CDHR2: variants seen among roughly 807,000 people sequenced by gnomAD.
CDHR2 encodes the protein cadherin-related family member 2.
Under a neutral mutation model 138.6 loss-of-function variants are expected in CDHR2, and 104 were observed. The ratio of observed to expected loss-of-function variants is 0.75; its 90% CI spans 0.64 to 0.88. The LOEUF is 0.88. CDHR2 is among the 40% of genes least tolerant of loss of function. The probability of loss-of-function intolerance (pLI) is 0.00; values close to 1 mark genes in which losing one functional copy is unlikely to be tolerated. For synonymous variants in CDHR2, 755 were observed against 742.8 expected, an observed-to-expected ratio of 1.02 and a Z score of -0.27; for missense variants, 1,624 against 1,727.6, an observed-to-expected ratio of 0.94 and a Z score of 1.06.
At chr5:176,545,486 G>C (rs143351445), upstream of CDHR2, among the ~76,000 whole-genome samples, 6 of 152,336 alleles carry the variant, frequency 3.9e-5, no homozygotes, top group East Asian at 1.2e-3. Flanking sequence ...ACACACTTCA[G>C]ACAGTGGCTG....
chr5:176,573,011 G>A (rs1464371238), intron 6 of CDHR2, among the ~76,000 whole-genome samples: 1 of 152,224 alleles, frequency 6.6e-6, no homozygotes, highest in African/African-American at 2.4e-5. Context: ...CACTGCTTTA[G>A]GTTGAAGGGT....
At chr5:176,555,833 A>C (rs1010234203) in intron 1 of CDHR2, among the ~76,000 whole-genome samples, 5 of 152,066 alleles carry the variant, frequency 3.3e-5, no homozygotes, top group African/African-American at 1.2e-4. Context: ...CCCGGGAGGC[A>C]GAGGTTGCAG....
chr5:176,593,899 G>T (rs1758949597), intron 31 of CDHR2, among the ~76,000 whole-genome samples: 1 of 152,204 alleles, frequency 6.6e-6, no homozygotes. Flanking sequence ...TGTGTGGGTG[G>T]TAATGCAGGC....
rs1758300488 is a variant in CDHR2, at chr5:176,574,142, T to A, written c.465T>A (p.Ser155=). The A allele has an allele frequency of 6.2e-7, 1 of 1,614,004 alleles. No homozygotes were observed. The highest frequency in any genetic ancestry group is 8.5e-7 in the Non-Finnish European group (1 of 1,179,914). ...TGGCCGTGGATAAAGACATGGGGTC[T>A]GCAGGCATGGTCGTGTACTCCATAG... ...SVLAVDKDMG[S]AGMVVYSIEK... The change falls in exon 7 of 32, where the codon TCT becomes TCA. Residue 155 remains serine, a synonymous_variant. Coordinates refer to ENST00000261944, the MANE Select transcript of CDHR2 (RefSeq NM_017675.6).
intron 2 of CDHR2, 58 bp from the exon 3 acceptor site, chr5:176,565,614 G>A (rs1291344391): frequency 4.0e-6 from 6 of 1,491,286 alleles, no homozygotes; most frequent in Non-Finnish European, 5.6e-6. Flanking sequence ...CAGGGGAGCA[G>A]GTAGGGATCG....
intron 1 of CDHR2, among the ~76,000 whole-genome samples, chr5:176,557,712 T>TCCTTCCTTCC (rs1561866775): frequency 1.2e-4 from 17 of 146,210 alleles, no homozygotes; most frequent in African/African-American, 3.9e-4. Flanking sequence ...CTTTCTTTCT[T>TCCTTCCTTCC]TTTTTTTTAT....
intron 31 of CDHR2, 104 bp downstream of exon 31, chr5:176,592,884 G>A (rs1433493839): frequency 1.0e-6 from 1 of 999,366 alleles, no homozygotes; most frequent in African/African-American, 1.6e-5. Flanking sequence ...GGGCAGTTCT[G>A]CTTCTCTGCA....
At chr5:176,586,397 T>TAGACCA in intron 20 of CDHR2, among the ~76,000 whole-genome samples, 1 of 152,214 alleles carries the variant, frequency 6.6e-6, no homozygotes, top group East Asian at 1.9e-4. Flanking sequence ...GGTTTCATTG[T>TAGACCA]GTTGGCCAGA....
At chr5:176,551,884 TGG>T (rs35127166) in intron 1 of CDHR2, among the ~76,000 whole-genome samples, 8 of 147,766 alleles carry the variant, frequency 5.4e-5, no homozygotes, top group Non-Finnish European at 4.5e-5. Context: ...TTTTTTTTTT[TGG>T]GGAACTTTTA....
rs761087994 is a variant in CDHR2, at chr5:176,589,190, C to A, written c.3008+8C>A. 16 of 1,613,722 alleles carry A rather than the reference C, an allele frequency of 9.9e-6. No individual in the cohort carries two copies. Among genetic ancestry groups the A allele is most frequent in the Non-Finnish European group, 1.4e-5 (16 of 1,179,830 alleles). ...GTTCGCTGGGAGCATTCAGTAACTG[C>A]GGGCGGCCCCGGGAGGGAGGTTGCG... On this transcript the variant is annotated splice_region_variant and intron_variant, in intron 22 of 31. Coordinates refer to ENST00000261944, the MANE Select transcript of CDHR2 (RefSeq NM_017675.6).
chr5:176,591,751 GTGATGATGGTGATGATGA>G, intron 30 of CDHR2: 1 of 176,304 alleles, frequency 5.7e-6, no homozygotes. Context: ...GGTGATGGTG[GTGATGATGGTGATGATGA>G]CGATGGTGGT....
Position 176,577,789 on chromosome 5 carries a change from C to T in CDHR2, c.1503C>T (p.Asp501=), listed in dbSNP as rs769396176. The T allele has an allele frequency of 3.1e-6, 5 of 1,613,966 alleles. No homozygotes were observed. In the African/African-American group the frequency reaches 4.0e-5, roughly 13 times the overall value. ...EHSATGSVVT[D]SIHATDPDTG... ...GCGCCACCGGCTCTGTGGTCACCGA[C>T]AGCATCCACGTGAGTGATGTGGACA... The change falls in exon 14 of 32, where the codon GAC becomes GAT. Residue 501 remains aspartate, a synonymous_variant. Transcript: ENST00000261944.
At chr5:176,565,566 G>C (rs1015501699) in intron 2 of CDHR2, 106 bp from the exon 3 acceptor site, 4 of 1,201,126 alleles carry the variant, frequency 3.3e-6, no homozygotes, top group East Asian at 2.5e-5. Context: ...AGGCCTGGAC[G>C]GGTGGCCTGG....
In CDHR2 at chr5:176,584,826, A is replaced by G. The variant is rs1249213419; in HGVS notation, c.2545A>G (p.Ile849Val). 2 of 1,613,988 alleles carry G rather than the reference A, an allele frequency of 1.2e-6. No homozygotes were observed. Among genetic ancestry groups the G allele is most frequent in the Non-Finnish European group, 1.7e-6 (2 of 1,180,024 alleles). ...SAQLEIQLVN[I>V]LCTKAGVDVG... ...CCAGCTGGAGATACAGCTTGTGAAC[A>G]TTCTCTGCACCAAGGCCGGGGTCGA... Residue 849 changes from isoleucine to valine, a missense_variant, in exon 19 of 32, where the codon ATT (isoleucine) becomes GTT (valine). Ile to Val is a conservative substitution (Grantham distance 29, BLOSUM62 3). Transcript: ENST00000261944.
chr5:176,584,817 C>G lies in CDHR2; in HGVS notation c.2536C>G (p.Leu846Val), dbSNP rs749212175. The G allele has an allele frequency of 1.2e-6, 2 of 1,614,082 alleles. No homozygotes were observed. Among genetic ancestry groups the G allele is most frequent in the African/African-American group, 2.7e-5 (2 of 74,930 alleles). ...CACCAGTGCCCAGCTGGAGATACAG[C>G]TTGTGAACATTCTCTGCACCAAGGC... ...VDTSAQLEIQ[L>V]VNILCTKAGV... is the part of the protein sequence containing the mutation. Residue 846 changes from leucine (L) to valine (V), a missense_variant, in exon 19 of 32, where the codon CTT becomes GTT. Physicochemically the swap from Leu to Val is conservative, Grantham distance 32. This residue lies in a region of CDHR2 where 1,061 missense variants were observed against 1,136.6 expected (regional missense o/e 0.93). Coordinates refer to ENST00000261944, the MANE Select transcript of CDHR2 (RefSeq NM_017675.6).
intron 3 of CDHR2, among the ~76,000 whole-genome samples, chr5:176,566,464 G>A (rs1052838587): frequency 1.3e-5 from 2 of 152,214 alleles, no homozygotes; most frequent in Admixed American, 1.3e-4. Context: ...ACCATAGGTG[G>A]CCGGGTTGGT....
intron 21 of CDHR2, among the ~76,000 whole-genome samples, chr5:176,588,420 A>AGTGTATGTGAGT (rs1561880739): frequency 3.4e-5 from 5 of 146,952 alleles, no homozygotes; most frequent in Non-Finnish European, 7.5e-5. Flanking sequence ...TGAGGGTGTG[A>AGTGTATGTGAGT]GTGTGTGTGT....
chr5:176,593,384 T>C (rs1758936789), intron 31 of CDHR2, among the ~76,000 whole-genome samples: 1 of 152,208 alleles, frequency 6.6e-6, no homozygotes, highest in Non-Finnish European at 1.5e-5. Context: ...CCAAGAGTTC[T>C]GATTCTGATG....
intron 1 of CDHR2, among the ~76,000 whole-genome samples, chr5:176,563,269 A>G (rs1758007141): frequency 6.6e-6 from 1 of 152,138 alleles, no homozygotes; most frequent in African/African-American, 2.4e-5. Flanking sequence ...AATCACTTGA[A>G]CAATGGAGGC....
Sources: allele counts gnomAD v4.1 joint callset (sites outside exome capture counted in the v4.1 genomes callset), GRCh38; gene constraint gnomAD v4.1.1; regional missense constraint gnomAD v4.1.1; transcripts MANE v1.5; gene names NCBI Gene and HGNC (gene_info 2026-07-23, HGNC 2026-07-21).